Variants in HEPH observed in about 807,000 individuals in gnomAD.
HEPH encodes the protein hephaestin.
Under a neutral mutation model 80.8 loss-of-function variants are expected in HEPH, and 69 were observed. That is an observed-to-expected ratio of 0.85 (90% CI 0.70 to 1.04). HEPH has a LOEUF of 1.04. Ranked by LOEUF, HEPH falls within the 50% of genes least tolerant of loss-of-function variation. The pLI is 0.00. For missense variants in HEPH, 1,115 were observed against 891.3 expected (o/e 1.25, Z -3.20); for synonymous variants, 431 against 322.8 (o/e 1.34, Z -3.60).
intron 15 of HEPH, among the ~76,000 whole-genome samples, chrX:66,231,686 G>T (rs1417358041): frequency 9.2e-6 from 1 of 108,886 alleles, no homozygotes; most frequent in East Asian, 2.9e-4. Context: ...GGCTGAGACA[G>T]TGGGGTTTTC....
intron 15 of HEPH, among the ~76,000 whole-genome samples, chrX:66,247,978 A>G (rs1048164498): frequency 8.9e-6 from 1 of 111,734 alleles, no homozygotes; most frequent in African/African-American, 3.3e-5. Flanking sequence ...GATTTGCACC[A>G]TCTTCCCTTT....
chrX:66,234,066 C>T (rs1258629695), intron 15 of HEPH, among the ~76,000 whole-genome samples: 1 of 110,500 alleles, frequency 9.0e-6, no homozygotes, highest in South Asian at 3.9e-4. Context: ...CTTCCCACCC[C>T]TCACATTTGA....
At chrX:66,257,199 G>C (rs1266475703) in intron 17 of HEPH, among the ~76,000 whole-genome samples, 1 of 112,046 alleles carries the variant, frequency 8.9e-6, no homozygotes, top group African/African-American at 3.2e-5. Context: ...AAATTTTAGC[G>C]CCTGTCAAAT....
chrX:66,190,476 G>A (rs2087731849), intron 6 of HEPH, among the ~76,000 whole-genome samples: 1 of 111,455 alleles, frequency 9.0e-6, no homozygotes, highest in Non-Finnish European at 1.9e-5. Context: ...GGGAGGAAGA[G>A]CGTATGAAGC....
intron 4 of HEPH, among the ~76,000 whole-genome samples, chrX:66,177,725 C>A (rs1466211331): frequency 9.0e-6 from 1 of 110,594 alleles, no homozygotes; most frequent in Non-Finnish European, 1.9e-5. Context: ...TTTAGTTTTT[C>A]TCTTGATATT....
chrX:66,245,301 G>T (rs1381788896), intron 15 of HEPH, among the ~76,000 whole-genome samples: 1 of 110,349 alleles, frequency 9.1e-6, no homozygotes, highest in Non-Finnish European at 1.9e-5. Flanking sequence ...CAAGCAAATG[G>T]AAAACAAAAA....
intron 15 of HEPH, among the ~76,000 whole-genome samples, chrX:66,235,262 A>G (rs2090316502): frequency 8.9e-6 from 1 of 111,738 alleles, no homozygotes; most frequent in African/African-American, 3.3e-5. Flanking sequence ...TCGTCATGAA[A>G]TCATTGCCTT....
At chrX:66,204,603 TC>T (rs1310564813) in intron 13 of HEPH, among the ~76,000 whole-genome samples, 1 of 112,331 alleles carries the variant, frequency 8.9e-6, no homozygotes, top group Non-Finnish European at 1.9e-5. Flanking sequence ...TTTTGAAGAT[TC>T]CATCTATCAC....
intron 15 of HEPH, among the ~76,000 whole-genome samples, chrX:66,222,419 A>G (rs765638856): frequency 2.0e-4 from 22 of 112,425 alleles, no homozygotes; most frequent in African/African-American, 5.8e-4. Context: ...CAAGCATAAC[A>G]ATTGCTTTTT....
At chrX:66,180,643 C>A (rs1238486256) in intron 4 of HEPH, among the ~76,000 whole-genome samples, 1 of 70,994 alleles carries the variant, frequency 1.4e-5, no homozygotes, top group African/African-American at 8.9e-5. Flanking sequence ...TTTTTTTTCA[C>A]AGCTGTATTT....
intron 15 of HEPH, among the ~76,000 whole-genome samples, chrX:66,211,217 C>G (rs989782667): frequency 3.1e-4 from 35 of 111,141 alleles, no homozygotes; most frequent in African/African-American, 1.1e-3. Context: ...GGTACTCTAT[C>G]TTAAATAATG....
intron 20 of HEPH, among the ~76,000 whole-genome samples, chrX:66,265,488 T>C (rs2091506984): frequency 9.0e-6 from 1 of 110,936 alleles, no homozygotes; most frequent in African/African-American, 3.3e-5. Flanking sequence ...TCTGATTTTA[T>C]AAAAGAAGAA....
intron 15 of HEPH, among the ~76,000 whole-genome samples, chrX:66,248,711 C>A (rs922687650): frequency 2.2e-4 from 25 of 111,934 alleles, no homozygotes; most frequent in African/African-American, 7.8e-4. Context: ...AAAGCTATGG[C>A]CACAATGTAT....
chrX:66,207,200 G>T lies in HEPH; in HGVS notation c.2297G>T (p.Gly766Val), dbSNP rs1424594591. 2 of 1,205,841 alleles carry T rather than the reference G, an allele frequency of 1.7e-6. No homozygotes were observed. The highest frequency in any genetic ancestry group is 2.2e-6 in the Non-Finnish European group (2 of 892,625). The change falls in exon 14 of 21, where the codon GGT becomes GTT. Residue 766 changes from glycine (G) to valine (V), a missense_variant. By Grantham distance (109) the Gly-to-Val change is moderately radical. Around this residue, in one of 3 missense-constraint regions of HEPH, gnomAD observed 716 missense variants for 523.5 expected, o/e 1.37. Coordinates refer to ENST00000343002, the MANE Select transcript of HEPH (RefSeq NM_001367233.3). ...WHNQSEKDSY[G>V]YIFLSNKDGL... ...TACTCTTTGGATTCCTCTAGTTATGGTTACATTTTCCTGAGCAACAAGGAT... is the reference window on the plus strand; with the variant it reads ...TACTCTTTGGATTCCTCTAGTTATGTTTACATTTTCCTGAGCAACAAGGAT...
intron 4 of HEPH, among the ~76,000 whole-genome samples, chrX:66,187,465 T>A (rs192708263): frequency 3.9e-4 from 44 of 111,668 alleles, no homozygotes; most frequent in Non-Finnish European, 7.5e-4. Flanking sequence ...CTCTCCCTCC[T>A]TTTTTATGGA....
At chrX:66,247,908 G>T (rs2090871213) in intron 15 of HEPH, among the ~76,000 whole-genome samples, 2 of 111,839 alleles carry the variant, frequency 1.8e-5, no homozygotes, top group Admixed American at 1.9e-4. Context: ...TATAAATTAA[G>T]TTCCTCAGTT....
chrX:66,227,907 G>A (rs757077752), intron 15 of HEPH, among the ~76,000 whole-genome samples: 20 of 110,902 alleles, frequency 1.8e-4, no homozygotes, highest in Middle Eastern at 4.7e-3. Flanking sequence ...ATGAATTTTA[G>A]GATTTTTTTT....
intron 15 of HEPH, among the ~76,000 whole-genome samples, chrX:66,226,062 C>G (rs1484366379): frequency 9.0e-6 from 1 of 111,322 alleles, no homozygotes; most frequent in Admixed American, 9.5e-5. Context: ...GCTGCATTCA[C>G]TGGTAATTAG....
rs748303464 is a variant in HEPH, at chrX:66,197,878, G to T, written c.1697G>T (p.Gly566Val). Residue 566 changes from glycine (G) to valine (V), a missense_variant, in exon 10 of 21, where the codon GGT becomes GTT. By Grantham distance (109) the Gly-to-Val change is moderately radical. Transcript: ENST00000343002. ...CTGGTGTGCAGGGCTGGTGCCTTGG[G>T]TGCAGATGGCAAGCAGGTATTGTCA... ...PLLVCRAGAL[G>V]ADGKQKGVDK... is the part of the protein sequence containing the mutation. The T allele has an allele frequency of 1.7e-6, 2 of 1,199,731 alleles. No individual in the cohort carries two copies. The highest frequency in any genetic ancestry group is 2.2e-6 in the Non-Finnish European group (2 of 889,103).
Sources: allele counts gnomAD v4.1 joint callset (sites outside exome capture counted in the v4.1 genomes callset), GRCh38; gene constraint gnomAD v4.1.1; regional missense constraint gnomAD v4.1.1; transcripts MANE v1.5; gene names NCBI Gene and HGNC (gene_info 2026-07-23, HGNC 2026-07-21).